The following LHX4 variants were observed in gnomAD, a reference collection of about 807,000 sequenced individuals.
The protein encoded by LHX4 is LIM homeobox 4.
A neutral mutation model predicts 39.2 loss-of-function variants in LHX4; 16 were observed. The ratio of observed to expected loss-of-function variants is 0.41; its 90% CI spans 0.28 to 0.62. The LOEUF is 0.62. Ranked by LOEUF, LHX4 falls within the 20% of genes least tolerant of loss-of-function variation. The probability of loss-of-function intolerance (pLI) is 0.33; values close to 1 mark genes in which losing one functional copy is unlikely to be tolerated. For synonymous variants in LHX4, 206 were observed against 198.1 expected (o/e 1.04, Z -0.33); for missense variants, 439 against 511.9 (o/e 0.86, Z 1.37).
intron 1 of LHX4, among the ~76,000 whole-genome samples, chr1:180,231,113 C>T (rs1664166432): frequency 6.6e-6 from 1 of 151,966 alleles, no homozygotes; most frequent in Admixed American, 6.5e-5. Flanking sequence ...CCCGGGCGTG[C>T]GTGCCGGGTG....
At chr1:180,272,143 A>G (rs1648709964) in intron 5 of LHX4, 137 bp downstream of exon 5, 10 of 748,338 alleles carry the variant, frequency 1.3e-5, no homozygotes, top group Non-Finnish European at 1.9e-5. Flanking sequence ...TAAGACTTGC[A>G]GTGAAGGGTG....
chr1:180,241,382 G>T (rs1052277603), intron 1 of LHX4, among the ~76,000 whole-genome samples: 1 of 152,208 alleles, frequency 6.6e-6, no homozygotes, highest in Non-Finnish European at 1.5e-5. Context: ...GAGGGAAAAG[G>T]TATATTGGGA....
At chr1:180,257,257 T>C (rs542114414) in intron 2 of LHX4, among the ~76,000 whole-genome samples, 4 of 152,382 alleles carry the variant, frequency 2.6e-5, no homozygotes, top group Admixed American at 2.6e-4. Flanking sequence ...GGCCTTGGAC[T>C]AGGTCACTGG....
chr1:180,261,626 G>A (rs1192542978), intron 2 of LHX4, among the ~76,000 whole-genome samples: 1 of 152,144 alleles, frequency 6.6e-6, no homozygotes. Flanking sequence ...CTGGGCAACC[G>A]AGTGAGATCC....
chr1:180,230,456 A>T lies in LHX4; in HGVS notation c.-74A>T. ...GCTTGGGGTTTTAATTATTATTTTG[A>T]AATTTCTGAATCGAGCTAGAGCGAG... On this transcript the variant is annotated 5_prime_UTR_variant, in exon 1 of 6. The change creates a premature stop within an existing upstream ORF in the 5' untranslated region. Coordinates refer to ENST00000263726, the MANE Select transcript of LHX4 (RefSeq NM_033343.4). This position sits in a 1 kb window ranked among gnomAD's most constrained non-coding sequence, Gnocchi z 5.8. The T allele has an allele frequency of 4.6e-6, 6 of 1,303,558 alleles. No homozygotes were observed. The highest frequency in any genetic ancestry group is 6.6e-6 in the Non-Finnish European group (6 of 911,156). The allele number at this position is 1,303,558 out of a possible 1,614,324, so 80.7% of individuals were successfully genotyped here.
chr1:180,271,772 T>A, intron 4 of LHX4, 63 bp from the exon 5 acceptor site: 2 of 1,581,566 alleles, frequency 1.3e-6, no homozygotes, highest in Non-Finnish European at 8.7e-7. Context: ...GCCTAGGGGG[T>A]CCTGGGGGCT....
chr1:180,259,978 T>TGG (rs1648039186), intron 2 of LHX4, among the ~76,000 whole-genome samples: 1 of 151,340 alleles, frequency 6.6e-6, no homozygotes, highest in Admixed American at 6.6e-5. Flanking sequence ...GCCACAGCCT[T>TGG]CAGGAGGTCA....
rs1649081574 is a variant in LHX4 at position 180,277,105 on chromosome 1, C to G, written c.*2526C>G. 1 of 151,958 alleles carries G rather than the reference C, an allele frequency of 6.6e-6. No individual in the cohort carries two copies. Among genetic ancestry groups the G allele is most frequent in the African/African-American group, 2.4e-5 (1 of 41,222 alleles). The allele number at this position is 151,958 out of a possible 1,614,324, so 9.4% of individuals were successfully genotyped here. A position where few individuals can be genotyped will look rare whatever the true frequency, so the allele number is the denominator to read the frequency against. On this transcript the variant is annotated 3_prime_UTR_variant, in exon 6 of 6. Coordinates refer to ENST00000263726, the MANE Select transcript of LHX4 (RefSeq NM_033343.4). ...GGAGAGCTTTGTTTTCCAGAGCCAC[C>G]TCCCCAGAAAGCAGCAAACACTGCT... is the stretch of plus-strand genomic sequence containing the variant.
chr1:180,271,903 GC>G lies in LHX4; in HGVS notation c.676del (p.Gln226SerfsTer31). Reference protein sequence around the residue: ...KKDAGRHRWGQFYKSVKRSRG... With the variant: ...KKDAGRHRWGXFYKSVKRSRG... The stretch of plus-strand genomic sequence containing the variant: ...AGGATGCAGGGCGGCACCGCTGGGG[GC>G]AGTTCTATAAGAGCGTCAAGAGGAG... On this transcript the variant is annotated frameshift_variant, in exon 5 of 6. Transcript: ENST00000263726. LOFTEE classifies it high-confidence loss of function. 1.9e-6 allele frequency: 3 copies of G among 1,613,652 alleles called. No homozygotes were observed. The highest frequency in any genetic ancestry group is 2.5e-6 in the Non-Finnish European group (3 of 1,179,964).
rs779196104 is a variant in LHX4 at position 180,230,582 on chromosome 1, A to G, written c.53A>G (p.Glu18Gly). The stretch of plus-strand genomic sequence containing the variant: ...GAAGGGGCTGTCAAGGGGCTCCCGG[A>G]GATGCTAGGTGTGCCGATGCAACGT... Reference protein sequence around the residue: ...PAEGAVKGLPEMLGVPMQQIP... With the variant: ...PAEGAVKGLPGMLGVPMQQIP... Residue 18 changes from glutamate (E) to glycine (G), a missense_variant, in exon 1 of 6, where the codon GAG becomes GGG. Physicochemically the swap from Glu to Gly is moderately conservative, Grantham distance 98. Transcript: ENST00000263726. The surrounding 1 kb of genome is among the most constrained non-coding windows in gnomAD (Gnocchi z 5.8). The G allele has an allele frequency of 1.6e-5, 26 of 1,613,792 alleles. No individual in the cohort carries two copies. The highest frequency in any genetic ancestry group is 2.0e-5 in the Non-Finnish European group (24 of 1,179,976).
intron 3 of LHX4, among the ~76,000 whole-genome samples, chr1:180,267,677 C>T (rs1009145036): frequency 5.3e-5 from 8 of 152,082 alleles, no homozygotes; most frequent in Admixed American, 4.6e-4. Context: ...TGTTACTGTG[C>T]AAAAACGGCT....
chr1:180,265,911 G>A (rs1486987698), intron 2 of LHX4, among the ~76,000 whole-genome samples: 1 of 152,218 alleles, frequency 6.6e-6, no homozygotes, highest in Non-Finnish European at 1.5e-5. Context: ...CCCTGGCCAG[G>A]CAGGGCCTCC....
chr1:180,242,434 G>A (rs56388135), intron 1 of LHX4, among the ~76,000 whole-genome samples: 4 of 152,106 alleles, frequency 2.6e-5, no homozygotes, highest in African/African-American at 7.2e-5. Context: ...GTGTATGTAC[G>A]TGTCTGTGTT....
intron 2 of LHX4, among the ~76,000 whole-genome samples, chr1:180,254,597 GCTC>G (rs985794969): frequency 1.3e-5 from 2 of 152,218 alleles, no homozygotes; most frequent in African/African-American, 4.8e-5. Flanking sequence ...CAGGGCCTCT[GCTC>G]CTCATCTTGC....
chr1:180,271,120 C>T, intron 3 of LHX4: 2 of 547,790 alleles, frequency 3.7e-6, no homozygotes, highest in Non-Finnish European at 6.6e-6. Flanking sequence ...TGCAGCTGGG[C>T]TGGCAGGGGA....
At chr1:180,244,228 C>A (rs926585028) in intron 1 of LHX4, among the ~76,000 whole-genome samples, 1 of 152,082 alleles carries the variant, frequency 6.6e-6, no homozygotes, top group Non-Finnish European at 1.5e-5. Context: ...TTTGTTTAAT[C>A]CCCCCGTCAA....
chr1:180,230,043 G>C (rs891035264), upstream of LHX4, among the ~76,000 whole-genome samples: 8 of 147,452 alleles, frequency 5.4e-5, no homozygotes, highest in Admixed American at 1.3e-4. This position sits in a 1 kb window ranked among gnomAD's most constrained non-coding sequence, Gnocchi z 5.8. Flanking sequence ...GGCCTCACTC[G>C]GGGCGCCGGG....
At chr1:180,237,221 G>C (rs968818335) in intron 1 of LHX4, among the ~76,000 whole-genome samples, 1 of 152,180 alleles carries the variant, frequency 6.6e-6, no homozygotes, top group East Asian at 1.9e-4. Context: ...CGGCGGGGGG[G>C]GCGGGGAGGA....
chr1:180,230,744 C>T lies in LHX4; in HGVS notation c.76+139C>T. 1.3e-6 allele frequency: 1 copy of T among 782,152 alleles called. No individual in the cohort carries two copies. The highest frequency in any genetic ancestry group is 2.2e-6 in the Non-Finnish European group (1 of 455,970). 48.5% of individuals were successfully genotyped at this position (782,152 alleles called of 1,614,324 possible). On this transcript the variant is annotated intron_variant, in intron 1 of 5. Coordinates refer to ENST00000263726, the MANE Select transcript of LHX4 (RefSeq NM_033343.4). This position sits in a 1 kb window ranked among gnomAD's most constrained non-coding sequence, Gnocchi z 5.8. ...CGCAGAGGCGGTCACAGGGCAGGGG[C>T]ACCAGCCAGAGTGCGTTTGAGGGGG...
Sources: allele counts gnomAD v4.1 joint callset (sites outside exome capture counted in the v4.1 genomes callset), GRCh38; gene constraint gnomAD v4.1.1; non-coding constraint Gnocchi (gnomAD v3.1); transcripts MANE v1.5; gene names NCBI Gene and HGNC (gene_info 2026-07-23, HGNC 2026-07-21).